Variants in DNAJC2 observed in about 807,000 individuals in gnomAD.
DNAJC2 encodes dnaJ homolog subfamily C member 2.
Under a neutral mutation model 94.0 loss-of-function variants are expected in DNAJC2, and 32 were observed. The observed-to-expected ratio is 0.34, with a 90% confidence interval of 0.26 to 0.46. The LOEUF is 0.46. DNAJC2 is among the 20% of genes least tolerant of loss of function. DNAJC2 has a pLI of 1.00. For synonymous variants in DNAJC2, 210 were observed against 229.7 expected, an observed-to-expected ratio of 0.91 and a Z score of 0.77; for missense variants, 550 against 719.5, an observed-to-expected ratio of 0.76 and a Z score of 2.69.
At position 103,341,851 on chromosome 7, in the gene DNAJC2, C is replaced by G. The variant is rs1480076442; in HGVS notation, c.168G>C (p.Lys56Asn). The change falls in exon 2 of 17, where the codon AAG becomes AAC. Residue 56 changes from lysine (K) to asparagine (N), a missense_variant. Around this residue, in one of 2 missense-constraint regions of DNAJC2, gnomAD observed 279 missense variants for 416.9 expected, o/e 0.67. Transcript: ENST00000379263. The part of the protein sequence containing the change: ...ASASFQELED[K>N]KELSEESEDE... The stretch of plus-strand genomic sequence containing the variant: ...CTTCTGATTCCTCGGATAACTCTTT[C>G]TTATCCTCCAGTTCCTGAAAAGAGG... 1.2e-6 allele frequency: 2 copies of G among 1,612,936 alleles called. No homozygotes were observed. Among genetic ancestry groups the G allele is most frequent in the East Asian group, 2.2e-5 (1 of 44,832 alleles).
intron 9 of DNAJC2, among the ~76,000 whole-genome samples, 200 bp downstream of exon 9, chr7:103,322,311 T>C (rs147653871): frequency 1.3e-5 from 2 of 152,182 alleles, no homozygotes; most frequent in South Asian, 2.1e-4. Flanking sequence ...AAGGAACTTA[T>C]GACACAATTT....
intron 3 of DNAJC2, chr7:103,329,160 C>T: frequency 2.9e-6 from 1 of 339,658 alleles, no homozygotes; most frequent in Non-Finnish European, 5.6e-6. Context: ...CTCTGTGTGT[C>T]ACTTACAATT....
intron 15 of DNAJC2, chr7:103,314,609 A>G (rs1817944176): frequency 1.0e-6 from 1 of 985,288 alleles, no homozygotes; most frequent in African/African-American, 1.7e-5. Context: ...TCCTTTATAA[A>G]GAAGTGTCTT....
chr7:103,332,898 A>G (rs1819030344), intron 3 of DNAJC2, among the ~76,000 whole-genome samples: 1 of 152,232 alleles, frequency 6.6e-6, no homozygotes, highest in Non-Finnish European at 1.5e-5. Context: ...TGCTGGGATC[A>G]AAGGCATGAG....
intron 15 of DNAJC2, chr7:103,314,801 G>T (rs1817956340): frequency 9.6e-6 from 2 of 208,420 alleles, no homozygotes; most frequent in Non-Finnish European, 1.7e-5. Flanking sequence ...AAGAATATAG[G>T]TAAAACTGGG....
Position 103,322,020 on chromosome 7 carries a change from C to T in DNAJC2, c.995G>A (p.Arg332Lys), listed in dbSNP as rs2115874787. 6.2e-7 allele frequency: 1 copy of T among 1,613,952 alleles called. No individual in the cohort carries two copies. The highest frequency in any genetic ancestry group is 1.7e-5 in the Admixed American group (1 of 60,010). ...LAKEKEEEEVRQQALLAKKEK... is the reference protein window; with the variant it reads ...LAKEKEEEEVKQQALLAKKEK... ...CTTCTTTGCCAGCAATGCTTGCTGT[C>T]TGACTTCCTCCTCTTCTTTCTCCTT... The change falls in exon 10 of 17, where the codon AGA (arginine) becomes AAA (lysine). Residue 332 changes from arginine to lysine, a missense_variant. Around this residue, in one of 2 missense-constraint regions of DNAJC2, gnomAD observed 279 missense variants for 416.9 expected, o/e 0.67. Coordinates refer to ENST00000379263, the MANE Select transcript of DNAJC2 (RefSeq NM_014377.3).
chr7:103,316,669 C>CT, intron 13 of DNAJC2, 161 bp downstream of exon 13: 3 of 625,208 alleles, frequency 4.8e-6, no homozygotes, highest in Non-Finnish European at 8.4e-6. Flanking sequence ...ATGGGTAAGA[C>CT]TGACAGCTTC....
At chr7:103,341,475 C>T (rs943295890) in intron 2 of DNAJC2, among the ~76,000 whole-genome samples, 1 of 152,196 alleles carries the variant, frequency 6.6e-6, no homozygotes, top group Non-Finnish European at 1.5e-5. Context: ...ATATCTTACT[C>T]CTTCTGCCCA....
At chr7:103,335,526 C>G (rs1321471766) in intron 3 of DNAJC2, 1 of 150,428 alleles carries the variant, frequency 6.6e-6, no homozygotes, top group Non-Finnish European at 1.5e-5. Flanking sequence ...AATTTCTTTT[C>G]TTTCTTTCTT....
At chr7:103,332,130 G>A (rs1165904262) in intron 3 of DNAJC2, among the ~76,000 whole-genome samples, 9 of 151,140 alleles carry the variant, frequency 6.0e-5, no homozygotes, top group African/African-American at 2.2e-4. Flanking sequence ...TCAGCCTCCC[G>A]AGTAGCTGGG....
rs768745786 is a variant in DNAJC2, at chr7:103,337,831, G to C, written c.256-20C>G. 1 of 1,599,412 alleles carries C rather than the reference G, an allele frequency of 6.3e-7. No individual in the cohort carries two copies. The highest frequency in any genetic ancestry group is 1.7e-5 in the Admixed American group (1 of 58,556). ...TTGGTTCTGGAAAAAAAACACAAAAGGGAGTCAAATTTGAAATGAAGCCAA... is the reference window on the plus strand; with the variant it reads ...TTGGTTCTGGAAAAAAAACACAAAACGGAGTCAAATTTGAAATGAAGCCAA... On this transcript the variant is annotated intron_variant, in intron 2 of 16. Transcript: ENST00000379263.
chr7:103,315,967 A>G, intron 14 of DNAJC2, 21 bp downstream of exon 14: 6 of 1,575,676 alleles, frequency 3.8e-6, no homozygotes, highest in Non-Finnish European at 5.2e-6. Flanking sequence ...TAAAGTAACA[A>G]ATGGACTTCT....
chr7:103,340,249 T>C (rs1819327156), intron 2 of DNAJC2, among the ~76,000 whole-genome samples: 1 of 152,252 alleles, frequency 6.6e-6, no homozygotes, highest in Admixed American at 6.5e-5. Context: ...TTTCTACTTC[T>C]GTCACCCTTC....
chr7:103,323,143 T>A (rs1054331237), intron 7 of DNAJC2, among the ~76,000 whole-genome samples: 1 of 152,184 alleles, frequency 6.6e-6, no homozygotes, highest in Non-Finnish European at 1.5e-5. Flanking sequence ...TTGGCCAGGC[T>A]GGTCTCGCAC....
intron 2 of DNAJC2, among the ~76,000 whole-genome samples, chr7:103,341,139 A>G (rs1430637152): frequency 6.6e-6 from 1 of 152,240 alleles, no homozygotes; most frequent in African/African-American, 2.4e-5. Flanking sequence ...TCAAGGATTC[A>G]GTCACAGGTC....
intron 15 of DNAJC2, chr7:103,314,225 TG>T (rs1817920130): frequency 1.0e-6 from 1 of 985,298 alleles, no homozygotes; most frequent in Non-Finnish European, 1.2e-6. Context: ...GGAAAAAAGA[TG>T]GAAGTGACAT....
At position 103,344,647 on chromosome 7, in the gene DNAJC2, G is replaced by A; in HGVS notation, c.-25C>T. On this transcript the variant is annotated 5_prime_UTR_variant, in exon 1 of 17. Coordinates refer to ENST00000379263, the MANE Select transcript of DNAJC2 (RefSeq NM_014377.3). Reference sequence around the variant, plus strand: ...TGATGGCGCCGGGTCTAGCCCGGTGGGCGCAGCGGCTCACGTCCCGGGCGG... The same window carrying A: ...TGATGGCGCCGGGTCTAGCCCGGTGAGCGCAGCGGCTCACGTCCCGGGCGG... The A allele has an allele frequency of 6.2e-7, 1 of 1,604,256 alleles. No individual in the cohort carries two copies. Among genetic ancestry groups the A allele is most frequent in the Non-Finnish European group, 8.5e-7 (1 of 1,179,258 alleles).
chr7:103,322,179 GA>G, intron 9 of DNAJC2, 98 bp from the exon 10 acceptor site: 7 of 922,818 alleles, frequency 7.6e-6, no homozygotes, highest in Non-Finnish European at 1.0e-5. Flanking sequence ...ATTATATTAG[GA>G]AAAAAGGCAA....
intron 12 of DNAJC2, among the ~76,000 whole-genome samples, chr7:103,318,358 T>A (rs1031606420): frequency 1.3e-5 from 2 of 152,154 alleles, no homozygotes; most frequent in East Asian, 3.9e-4. Flanking sequence ...AGAGATTTTG[T>A]TTATGTTGCC....
Sources: allele counts gnomAD v4.1 joint callset (sites outside exome capture counted in the v4.1 genomes callset), GRCh38; gene constraint gnomAD v4.1.1; regional missense constraint gnomAD v4.1.1; transcripts MANE v1.5; gene names NCBI Gene and HGNC (gene_info 2026-07-23, HGNC 2026-07-21).